The following GHR variants were observed in gnomAD, a reference collection of about 807,000 sequenced individuals.
The protein encoded by GHR is growth hormone receptor.
In GHR, 35 loss-of-function variants were observed where a neutral mutation model predicts 67.1. The observed-to-expected ratio is 0.52, with a 90% CI of 0.40 to 0.69. The LOEUF is 0.69. GHR is among the 30% of genes least tolerant of loss of function. The probability of loss-of-function intolerance (pLI) is 0.00; values close to 1 mark genes in which losing one functional copy is unlikely to be tolerated. For synonymous variants in GHR, 272 were observed against 269.1 expected (o/e 1.01, Z -0.10); for missense variants, 792 against 764.6 (o/e 1.04, Z -0.42).
chr5:42,433,014 A>G (rs899332288), intron 1 of GHR, among the ~76,000 whole-genome samples: 2 of 152,198 alleles, frequency 1.3e-5, no homozygotes, highest in Non-Finnish European at 2.9e-5. Context: ...CAAATTTGCT[A>G]TTATTCTCCT....
chr5:42,540,947 T>TG (rs1236056447), intron 1 of GHR, among the ~76,000 whole-genome samples: 1 of 151,912 alleles, frequency 6.6e-6, no homozygotes, highest in Non-Finnish European at 1.5e-5. Context: ...TTCCTTGTTT[T>TG]TTTTTTTTTG....
intron 3 of GHR, chr5:42,646,290 A>C (rs77703788): frequency 0.017 from 7,489 of 449,564 alleles, 107 homozygotes; most frequent in Middle Eastern, 0.068. Context: ...TGCAAATTGA[A>C]CCCCAGCACA....
chr5:42,598,353 G>C (rs1752190443), intron 2 of GHR, among the ~76,000 whole-genome samples: 1 of 152,116 alleles, frequency 6.6e-6, no homozygotes, highest in Non-Finnish European at 1.5e-5. Flanking sequence ...AAATGAGCAG[G>C]GGTTTGTGTT....
intron 8 of GHR, chr5:42,713,916 A>ATT: frequency 6.2e-6 from 1 of 160,224 alleles, no homozygotes; most frequent in Non-Finnish European, 1.4e-5. Flanking sequence ...TATACAGACA[A>ATT]TTTTTTTTTT....
chr5:42,552,382 T>G (rs1404029864), intron 1 of GHR, among the ~76,000 whole-genome samples: 1 of 152,210 alleles, frequency 6.6e-6, no homozygotes, highest in Non-Finnish European at 1.5e-5. Context: ...GCTGTTACTT[T>G]CCTACCAACA....
chr5:42,663,099 T>C (rs1051189369), intron 3 of GHR, among the ~76,000 whole-genome samples: 2 of 152,144 alleles, frequency 1.3e-5, no homozygotes, highest in African/African-American at 4.8e-5. Context: ...GTGGCTATAA[T>C]CAATAGCTTA....
At chr5:42,616,382 A>G (rs1485915315) in intron 2 of GHR, among the ~76,000 whole-genome samples, 1 of 152,142 alleles carries the variant, frequency 6.6e-6, no homozygotes, top group Non-Finnish European at 1.5e-5. Flanking sequence ...GGAAGGAGTT[A>G]GAGAAAGCAA....
intron 1 of GHR, among the ~76,000 whole-genome samples, chr5:42,482,291 G>T (rs1431592362): frequency 1.3e-5 from 2 of 152,062 alleles, no homozygotes; most frequent in Non-Finnish European, 2.9e-5. Context: ...GTCCACCCCT[G>T]CTGGGGGGTG....
intron 3 of GHR, among the ~76,000 whole-genome samples, chr5:42,636,193 G>C (rs968726276): frequency 1.5e-5 from 2 of 129,712 alleles, no homozygotes; most frequent in African/African-American, 3.0e-5. Context: ...CTGGGCGACA[G>C]AGCGAGACCC....
intron 3 of GHR, among the ~76,000 whole-genome samples, chr5:42,661,767 A>G (rs1314779674): frequency 1.3e-5 from 2 of 152,180 alleles, no homozygotes; most frequent in East Asian, 3.9e-4. Flanking sequence ...TTAACTTTAA[A>G]TGTAAATGGA....
chr5:42,634,822 A>G (rs1414562430), intron 3 of GHR, among the ~76,000 whole-genome samples: 3 of 152,168 alleles, frequency 2.0e-5, no homozygotes, highest in Non-Finnish European at 4.4e-5. Context: ...GGAATCATAA[A>G]TAGTCCTACT....
chr5:42,474,257 C>CAGAAAGAA (rs202146050), intron 1 of GHR, among the ~76,000 whole-genome samples: 1,176 of 87,980 alleles, frequency 0.013, 23 homozygotes, highest in Middle Eastern at 0.038. Context: ...GAAAGACAGA[C>CAGAAAGAA]AGAAAGAAAG....
chr5:42,435,001 A>AACAGTTG (rs1451685121), intron 1 of GHR, among the ~76,000 whole-genome samples: 1 of 152,204 alleles, frequency 6.6e-6, no homozygotes, highest in East Asian at 1.9e-4. Context: ...TCTGCAAAAA[A>AACAGTTG]ACAGTTGATT....
At chr5:42,597,351 T>A (rs747929126) in intron 2 of GHR, among the ~76,000 whole-genome samples, 4 of 152,214 alleles carry the variant, frequency 2.6e-5, no homozygotes, top group Non-Finnish European at 1.5e-5. Flanking sequence ...TTGTTTTTAA[T>A]ATAATTTAAT....
intron 2 of GHR, among the ~76,000 whole-genome samples, chr5:42,585,693 G>A (rs932779893): frequency 3.3e-5 from 5 of 151,922 alleles, no homozygotes; most frequent in Non-Finnish European, 5.9e-5. Context: ...TGAAGTTTCA[G>A]GATTCCAAGG....
chr5:42,616,080 G>A (rs1167710575), intron 2 of GHR, among the ~76,000 whole-genome samples: 1 of 152,000 alleles, frequency 6.6e-6, no homozygotes, highest in Non-Finnish European at 1.5e-5. Context: ...ACCACTTGGG[G>A]ATCTTGGTGG....
chr5:42,474,227 GAAAA>G (rs1408571717), intron 1 of GHR, among the ~76,000 whole-genome samples: 1 of 130,788 alleles, frequency 7.6e-6, no homozygotes, highest in Admixed American at 8.0e-5. Context: ...GAGAGAGAAA[GAAAA>G]AGAAAGAAAG....
At chr5:42,448,188 T>C (rs1743894965) in intron 1 of GHR, among the ~76,000 whole-genome samples, 1 of 152,222 alleles carries the variant, frequency 6.6e-6, no homozygotes, top group African/African-American at 2.4e-5. Context: ...CCATAGCGGC[T>C]GTACTAGTTT....
intron 3 of GHR, among the ~76,000 whole-genome samples, chr5:42,640,502 G>C (rs1754412640): frequency 6.6e-6 from 1 of 152,052 alleles, no homozygotes; most frequent in African/African-American, 2.4e-5. Flanking sequence ...ACTCCTGGAA[G>C]AGTAGGACTT....
Sources: allele counts gnomAD v4.1 joint callset (sites outside exome capture counted in the v4.1 genomes callset), GRCh38; gene constraint gnomAD v4.1.1; transcripts MANE v1.5; gene names NCBI Gene and HGNC (gene_info 2026-07-23, HGNC 2026-07-21).